Variants in TPST1 observed in about 807,000 individuals in gnomAD.
The protein encoded by TPST1 is tyrosylprotein sulfotransferase 1.
In TPST1, 20 loss-of-function variants were observed where a neutral mutation model predicts 34.8. That is an observed-to-expected ratio of 0.57 (90% CI 0.40 to 0.84). The LOEUF is 0.84. Among genes scored for constraint, TPST1 ranks in the 40% least tolerant of loss-of-function variants. The pLI, the probability that TPST1 is intolerant of heterozygous loss-of-function variation, is 0.00. For missense variants in TPST1, 353 were observed against 455.5 expected (o/e 0.78, Z 2.05); for synonymous variants, 152 against 159.4 (o/e 0.95, Z 0.35).
rs757168858 is a variant in TPST1 at position 66,328,886 on chromosome 7, C to CTCTCTCTCTATA, written c.1045-23618_1045-23617insCTCTCTCTATAT. ...TCTCTCTCTCTCTCTCTCTCTCTCT[C>CTCTCTCTCTATA]TATATATATATATATATATATTTTT... On this transcript the variant is annotated intron_variant, in intron 3 of 5. Transcript: ENST00000304842. Among the ~76,000 whole-genome samples the CTCTCTCTCTATA allele has an allele frequency of 8.6e-4, 19 of 22,088 alleles. 1 individual carries two copies. The highest frequency in any genetic ancestry group is 9.6e-4 in the Non-Finnish European group (13 of 13,594). The allele number at this position is 22,088 out of a possible 152,430, so 14.5% of individuals were successfully genotyped here.
chr7:66,347,198 G>A (rs749643180), intron 3 of TPST1, among the ~76,000 whole-genome samples: 1 of 150,562 alleles, frequency 6.6e-6, no homozygotes, highest in Admixed American at 6.7e-5. Context: ...CTCCTGAGTA[G>A]CTGGGATTTC....
At chr7:66,318,783 G>T (rs1306878646) in intron 3 of TPST1, among the ~76,000 whole-genome samples, 2 of 152,130 alleles carry the variant, frequency 1.3e-5, no homozygotes, top group African/African-American at 4.8e-5. Flanking sequence ...TTTTGGTAAA[G>T]GTAAATTGAT....
upstream of TPST1, among the ~76,000 whole-genome samples, chr7:66,201,862 G>GAA (rs370370393): frequency 0.013 from 1,767 of 131,436 alleles, 23 homozygotes; most frequent in African/African-American, 0.015. Context: ...ATTAAAATAA[G>GAA]AAAAAAAAAA....
At chr7:66,293,970 A>C (rs544743152) in intron 3 of TPST1, among the ~76,000 whole-genome samples, 1 of 152,326 alleles carries the variant, frequency 6.6e-6, no homozygotes, top group East Asian at 1.9e-4. Context: ...ATAGCCTACC[A>C]GTTGAGTCTA....
At chr7:66,306,141 G>GTCTCTC (rs144444657) in intron 3 of TPST1, among the ~76,000 whole-genome samples, 2 of 149,996 alleles carry the variant, frequency 1.3e-5, no homozygotes, top group Non-Finnish European at 3.0e-5. Context: ...GAGTGTGCAC[G>GTCTCTC]TCTCTCTCTC....
chr7:66,308,814 A>G (rs1562838048), intron 3 of TPST1, among the ~76,000 whole-genome samples: 1 of 152,194 alleles, frequency 6.6e-6, no homozygotes, highest in East Asian at 1.9e-4. Flanking sequence ...TTCTCTAGAC[A>G]TTCCTGGGAT....
intron 1 of TPST1, among the ~76,000 whole-genome samples, chr7:66,232,519 C>G (rs1385924711): frequency 2.0e-5 from 3 of 151,988 alleles, no homozygotes; most frequent in Non-Finnish European, 4.4e-5. Flanking sequence ...ACTACAGGCG[C>G]CCACCACCAT....
chr7:66,346,604 T>C (rs1792357269), intron 3 of TPST1, among the ~76,000 whole-genome samples: 2 of 152,244 alleles, frequency 1.3e-5, no homozygotes, highest in Admixed American at 6.5e-5. Flanking sequence ...TACCTTTTCA[T>C]ATACCTGCTT....
At chr7:66,324,386 T>C (rs576654138) in intron 3 of TPST1, among the ~76,000 whole-genome samples, 26 of 152,332 alleles carry the variant, frequency 1.7e-4, no homozygotes, top group Middle Eastern at 3.4e-3. Context: ...TTGATTGAGC[T>C]GTTTAGCTGT....
chr7:66,337,481 G>T (rs886574012), intron 3 of TPST1, among the ~76,000 whole-genome samples: 3 of 151,660 alleles, frequency 2.0e-5, no homozygotes, highest in Non-Finnish European at 2.9e-5. Context: ...GCTTATTTTT[G>T]TATTTTTAGT....
intron 4 of TPST1, among the ~76,000 whole-genome samples, chr7:66,356,146 CAT>C (rs1584264907): frequency 6.6e-6 from 1 of 152,158 alleles, no homozygotes; most frequent in Non-Finnish European, 1.5e-5. Flanking sequence ...AGCAGAAACT[CAT>C]AGAACCTTCA....
chr7:66,296,383 G>A (rs920547212), intron 3 of TPST1, among the ~76,000 whole-genome samples: 5 of 151,894 alleles, frequency 3.3e-5, no homozygotes, highest in African/African-American at 9.7e-5. Context: ...GTCTTGTCTT[G>A]TGAGGGTAGG....
chr7:66,302,381 A>G (rs984488744), intron 3 of TPST1, among the ~76,000 whole-genome samples: 3 of 152,210 alleles, frequency 2.0e-5, no homozygotes, highest in African/African-American at 7.2e-5. Context: ...GATTGCAACT[A>G]TAGCAGGGCC....
At chr7:66,342,699 GAGAGAGAGAGCA>G (rs1277336652) in intron 3 of TPST1, among the ~76,000 whole-genome samples, 1 of 152,008 alleles carries the variant, frequency 6.6e-6, no homozygotes, top group Admixed American at 6.6e-5. Context: ...AGCACATGGA[GAGAGAGAGAGCA>G]AGAGAGAGAG....
chr7:66,357,010 A>G, intron 5 of TPST1, 139 bp downstream of exon 5: 4 of 719,126 alleles, frequency 5.6e-6, no homozygotes, highest in South Asian at 5.1e-5. Context: ...TTCTGTGTGG[A>G]AGCAAGCACA....
intron 1 of TPST1, among the ~76,000 whole-genome samples, chr7:66,221,995 G>A (rs1418154649): frequency 6.6e-6 from 1 of 152,034 alleles, no homozygotes; most frequent in East Asian, 1.9e-4. Flanking sequence ...CATTTTCGAT[G>A]TTTATTTGTT....
At chr7:66,306,097 T>G (rs924470894) in intron 3 of TPST1, among the ~76,000 whole-genome samples, 1 of 152,186 alleles carries the variant, frequency 6.6e-6, no homozygotes, top group African/African-American at 2.4e-5. Context: ...ATTGCATGAT[T>G]ATATTATATA....
intron 3 of TPST1, among the ~76,000 whole-genome samples, chr7:66,318,474 T>TC (rs1399887005): frequency 2.6e-5 from 4 of 151,446 alleles, no homozygotes; most frequent in African/African-American, 9.7e-5. Flanking sequence ...CTTCAGAATT[T>TC]TTTTTTTTTT....
intron 2 of TPST1, among the ~76,000 whole-genome samples, chr7:66,250,917 C>T (rs1790248902): frequency 6.6e-6 from 1 of 152,144 alleles, no homozygotes; most frequent in Admixed American, 6.5e-5. Context: ...ATTGCATGGA[C>T]GTGTTGAACA....
Sources: gnomAD v4.1 joint callset for allele counts (sites outside exome capture counted in the v4.1 genomes callset) on GRCh38, gnomAD v4.1.1 for gene constraint, MANE v1.5 for transcripts, NCBI Gene and HGNC (gene_info 2026-07-23, HGNC 2026-07-21) for gene names.